RNF13: variants seen among roughly 807,000 people sequenced by gnomAD.
RNF13 encodes ring finger protein 13.
RNF13 carries 19 observed loss-of-function variants against 37.7 expected under a neutral mutation model. The ratio of observed to expected loss-of-function variants is 0.50; its 90% CI spans 0.35 to 0.74. The LOEUF (loss-of-function observed/expected upper bound fraction) is 0.74. Among genes scored for constraint, RNF13 ranks in the 30% least tolerant of loss-of-function variants. The pLI is 0.01. For missense variants in RNF13, 375 were observed against 453.0 expected (o/e 0.83, Z 1.56); for synonymous variants, 144 against 157.8 (o/e 0.91, Z 0.65).
Position 149,871,153 on chromosome 3 carries a change from T to C in RNF13, c.196-876T>C, listed in dbSNP as rs1010119964. ...ACCTCCTGGGTTCAAGCCATTCTCC[T>C]GCCTCAGCCTCCCAAGTAGCTGGGA... On this transcript the variant is annotated intron_variant, in intron 3 of 9. Transcript: ENST00000392894. 6.6e-5 allele frequency among the ~76,000 whole-genome samples: 10 copies of C among 151,474 alleles called. No homozygotes were observed. In the East Asian group the frequency reaches 7.8e-4, roughly 12 times the overall value.
chr3:149,923,720 C>T (rs1421569191), intron 8 of RNF13, among the ~76,000 whole-genome samples: 1 of 138,108 alleles, frequency 7.2e-6, no homozygotes. Flanking sequence ...GAGCCGAGAT[C>T]ACACGACTGC....
intron 3 of RNF13, among the ~76,000 whole-genome samples, chr3:149,859,474 C>T (rs768760526): frequency 2.6e-5 from 4 of 151,936 alleles, no homozygotes; most frequent in African/African-American, 4.8e-5. Context: ...CAAATTATCA[C>T]TTAGAGAAGA....
At chr3:149,847,246 G>A (rs1037541337) in intron 2 of RNF13, among the ~76,000 whole-genome samples, 3 of 152,146 alleles carry the variant, frequency 2.0e-5, no homozygotes, top group Admixed American at 2.0e-4. Flanking sequence ...TGTAAGTTGA[G>A]GATATATATT....
intron 1 of RNF13, among the ~76,000 whole-genome samples, chr3:149,829,511 T>C (rs552342493): frequency 6.6e-6 from 1 of 152,342 alleles, no homozygotes. Flanking sequence ...AAAATTTTGC[T>C]TTGGTTGATT....
At chr3:149,960,591 CA>C (rs199903209) in intron 9 of RNF13, 148 bp from the exon 10 acceptor site, 649 of 761,426 alleles carry the variant, frequency 8.5e-4, no homozygotes, top group Non-Finnish European at 9.6e-4. Context: ...GACTCCATCT[CA>C]AAAAAAAATA....
chr3:149,954,417 A>C (rs1721658894), intron 8 of RNF13, among the ~76,000 whole-genome samples: 1 of 151,980 alleles, frequency 6.6e-6, no homozygotes, highest in Non-Finnish European at 1.5e-5. Context: ...CTTACTCCTT[A>C]CCCACCCACC....
intron 3 of RNF13, among the ~76,000 whole-genome samples, chr3:149,856,566 C>G (rs1723671755): frequency 6.6e-6 from 1 of 151,406 alleles, no homozygotes; most frequent in African/African-American, 2.4e-5. Context: ...ACCTCAGGCT[C>G]CTGTGTAGCT....
At chr3:149,860,268 A>AAAAAAAAAAAAAAAAAAATAT (rs1724088973) in intron 3 of RNF13, among the ~76,000 whole-genome samples, 1 of 91,696 alleles carries the variant, frequency 1.1e-5, no homozygotes, top group Non-Finnish European at 2.2e-5. Context: ...AAAAAAAAAA[A>AAAAAAAAAAAAAAAAAAATAT]AAATATATAT....
intron 5 of RNF13, among the ~76,000 whole-genome samples, chr3:149,898,630 T>G (rs1213375776): frequency 3.3e-5 from 5 of 152,216 alleles, no homozygotes; most frequent in African/African-American, 9.7e-5. Context: ...TTGAATGAAT[T>G]AAGGCCTGTT....
intron 8 of RNF13, among the ~76,000 whole-genome samples, chr3:149,953,383 A>G (rs1721529552): frequency 6.6e-6 from 1 of 152,228 alleles, no homozygotes; most frequent in East Asian, 1.9e-4. Context: ...ACCTTCAATT[A>G]AAGTTGCAGA....
intron 1 of RNF13, among the ~76,000 whole-genome samples, chr3:149,826,222 A>G (rs1022779861): frequency 6.6e-6 from 1 of 152,214 alleles, no homozygotes; most frequent in African/African-American, 2.4e-5. Context: ...TAATTAAGCT[A>G]TCACCTGTGG....
rs1377918536 is a variant in RNF13, at chr3:149,960,952, C to T, written c.994C>T (p.His332Tyr). The change falls in exon 10 of 10, where the codon CAT becomes TAT. Residue 332 changes from histidine (H) to tyrosine (Y), a missense_variant. Physicochemically the swap from His to Tyr is moderately conservative, Grantham distance 83. Coordinates refer to ENST00000392894, the MANE Select transcript of RNF13 (RefSeq NM_183381.3). ...SFGALSESRSHQNMTESSDYE... is the reference protein window; with the variant it reads ...SFGALSESRSYQNMTESSDYE... ...TGGGGCTTTATCGGAATCCCGCTCA[C>T]ATCAGAACATGACAGAATCTTCAGA... 4.3e-6 allele frequency: 7 copies of T among 1,614,244 alleles called. No individual in the cohort carries two copies. The highest frequency in any genetic ancestry group is 5.9e-6 in the Non-Finnish European group (7 of 1,180,032).
At chr3:149,837,521 A>G (rs1413867484) in intron 1 of RNF13, among the ~76,000 whole-genome samples, 1 of 152,198 alleles carries the variant, frequency 6.6e-6, no homozygotes, top group African/African-American at 2.4e-5. Flanking sequence ...ATCACTGGAG[A>G]GGCCTCACAA....
chr3:149,845,011 C>T (rs751359370), intron 1 of RNF13, among the ~76,000 whole-genome samples: 6 of 152,104 alleles, frequency 3.9e-5, no homozygotes, highest in East Asian at 3.9e-4. Context: ...TACTTTTTGT[C>T]GTTAAGGAAC....
At chr3:149,876,639 G>A (rs551836520) in intron 4 of RNF13, among the ~76,000 whole-genome samples, 1 of 151,868 alleles carries the variant, frequency 6.6e-6, no homozygotes, top group Non-Finnish European at 1.5e-5. Context: ...CTTAGTTTCT[G>A]TCATGTCCTC....
intron 1 of RNF13, among the ~76,000 whole-genome samples, chr3:149,822,751 T>A (rs1208063604): frequency 3.3e-5 from 5 of 152,122 alleles, no homozygotes; most frequent in Admixed American, 6.5e-5. Context: ...GAAGTGTCAA[T>A]ACGTAATTCA....
chr3:149,951,947 C>T (rs1016321724), intron 8 of RNF13, among the ~76,000 whole-genome samples: 1 of 152,162 alleles, frequency 6.6e-6, no homozygotes, highest in Non-Finnish European at 1.5e-5. Flanking sequence ...TACTACCCTA[C>T]TCTTTTCAGT....
intron 8 of RNF13, among the ~76,000 whole-genome samples, chr3:149,943,976 G>C (rs950882551): frequency 6.6e-6 from 1 of 151,184 alleles, no homozygotes; most frequent in African/African-American, 2.4e-5. Context: ...CCAACCCCAC[G>C]ACATGCCCTG....
chr3:149,888,776 T>C (rs1378135530), intron 4 of RNF13, among the ~76,000 whole-genome samples: 1 of 152,306 alleles, frequency 6.6e-6, no homozygotes, highest in East Asian at 1.9e-4. Context: ...AGCCTGGACA[T>C]ATACACATGT....
Sources: allele counts gnomAD v4.1 joint callset (sites outside exome capture counted in the v4.1 genomes callset), GRCh38; gene constraint gnomAD v4.1.1; transcripts MANE v1.5; gene names NCBI Gene and HGNC (gene_info 2026-07-23, HGNC 2026-07-21).